Variants in PDE1C observed in about 807,000 individuals in gnomAD.
PDE1C encodes phosphodiesterase 1C, also known as dual specificity calcium/calmodulin-dependent 3',5'-cyclic nucleotide phosphodiesterase 1C.
PDE1C carries 62 observed loss-of-function variants against 93.1 expected under a neutral mutation model. That is an observed-to-expected ratio of 0.67 (90% confidence interval 0.54 to 0.82). PDE1C has a LOEUF of 0.82. Among genes scored for constraint, PDE1C ranks in the 40% least tolerant of loss-of-function variants. PDE1C has a pLI of 0.00. For missense variants in PDE1C, 742 were observed against 884.6 expected (o/e 0.84, Z 2.04); for synonymous variants, 325 against 310.1 (o/e 1.05, Z -0.50).
chr7:31,784,899 T>G (rs1783761876), intron 16 of PDE1C: 2 of 152,112 alleles, frequency 1.3e-5, no homozygotes, highest in Admixed American at 6.6e-5. Flanking sequence ...CTATATATAT[T>G]AATATAATAT....
At chr7:32,217,783 T>C (rs1450185545) in intron 1 of PDE1C, among the ~76,000 whole-genome samples, 1 of 152,186 alleles carries the variant, frequency 6.6e-6, no homozygotes, top group Non-Finnish European at 1.5e-5. Context: ...ATAGAACATA[T>C]TATCCCAGTT....
intron 2 of PDE1C, among the ~76,000 whole-genome samples, chr7:32,174,431 A>C (rs1483115968): frequency 6.6e-6 from 1 of 152,004 alleles, no homozygotes; most frequent in Non-Finnish European, 1.5e-5. Flanking sequence ...GAGCTCACCC[A>C]CTCTGCCTCG....
intron 1 of PDE1C, among the ~76,000 whole-genome samples, chr7:32,359,854 C>G (rs1229719251): frequency 1.3e-5 from 2 of 152,124 alleles, no homozygotes; most frequent in Admixed American, 6.6e-5. Context: ...TCCCCAGCAC[C>G]CATCCAAATC....
chr7:32,220,178 A>G (rs1806741980), intron 1 of PDE1C, among the ~76,000 whole-genome samples: 1 of 152,078 alleles, frequency 6.6e-6, no homozygotes, highest in South Asian at 2.1e-4. Context: ...TAATACAAAC[A>G]TCAAGCTGGT....
the PDE1C span, among the ~76,000 whole-genome samples, chr7:31,638,588 C>A: frequency 3.3e-5 from 5 of 152,070 alleles, no homozygotes; most frequent in African/African-American, 1.2e-4. Flanking sequence ...CAGTGCTTAC[C>A]CACATGATTT....
intron 2 of PDE1C, among the ~76,000 whole-genome samples, chr7:31,893,281 T>C (rs1422024499): frequency 1.3e-5 from 2 of 152,192 alleles, no homozygotes; most frequent in Non-Finnish European, 2.9e-5. Context: ...GTAATTACCA[T>C]TCAATTTCCT....
intron 2 of PDE1C, among the ~76,000 whole-genome samples, chr7:31,982,541 A>C (rs148988700): frequency 6.6e-6 from 1 of 152,072 alleles, no homozygotes; most frequent in African/African-American, 2.4e-5. Context: ...TGATTTTTTT[A>C]ATTTCCTCTT....
At chr7:32,214,202 A>T (rs1806256945) in intron 1 of PDE1C, among the ~76,000 whole-genome samples, 1 of 150,810 alleles carries the variant, frequency 6.6e-6, no homozygotes, top group Non-Finnish European at 1.5e-5. Context: ...ACACAAGTAT[A>T]TATGTAAAAA....
At chr7:31,720,430 C>G in the PDE1C span, among the ~76,000 whole-genome samples, 1 of 152,164 alleles carries the variant, frequency 6.6e-6, no homozygotes, top group Non-Finnish European at 1.5e-5. Context: ...TGCTCACACT[C>G]AGCCCCAAGC....
the PDE1C span, among the ~76,000 whole-genome samples, chr7:31,715,146 TG>T: frequency 2.0e-5 from 3 of 152,192 alleles, no homozygotes. Flanking sequence ...TTCCAACAAT[TG>T]TAATCATTTG....
chr7:31,692,434 C>G, the PDE1C span: 2 of 1,599,128 alleles, frequency 1.3e-6, no homozygotes, highest in East Asian at 2.2e-5. Context: ...TCCACCCACC[C>G]TCCTTTGATG....
At chr7:32,136,468 A>G (rs1172981626) in intron 3 of PDE1C, among the ~76,000 whole-genome samples, 2 of 152,108 alleles carry the variant, frequency 1.3e-5, no homozygotes, top group Non-Finnish European at 2.9e-5. Flanking sequence ...CACAAATAGC[A>G]CTAACAATCC....
intron 2 of PDE1C, among the ~76,000 whole-genome samples, chr7:32,021,146 C>A (rs1018417250): frequency 5.3e-5 from 8 of 152,098 alleles, no homozygotes; most frequent in Non-Finnish European, 1.0e-4. Flanking sequence ...GTGGTTCTAT[C>A]CCCAGTGAAG....
At chr7:31,950,561 G>A (rs1356637807) in intron 2 of PDE1C, among the ~76,000 whole-genome samples, 2 of 152,178 alleles carry the variant, frequency 1.3e-5, no homozygotes, top group Non-Finnish European at 2.9e-5. Flanking sequence ...CAGTATGTGT[G>A]AGTGTGAGTT....
At chr7:32,056,380 C>CACAA (rs1163051979) in intron 1 of PDE1C, among the ~76,000 whole-genome samples, 3 of 150,608 alleles carry the variant, frequency 2.0e-5, no homozygotes, top group African/African-American at 7.4e-5. Context: ...CACACACACA[C>CACAA]ACACACACAC....
downstream of PDE1C, among the ~76,000 whole-genome samples, chr7:31,746,496 G>C (rs1476924162): frequency 1.3e-5 from 2 of 152,140 alleles, no homozygotes. Flanking sequence ...GAGTGACAAG[G>C]ACAAATGCAT....
intron 11 of PDE1C, among the ~76,000 whole-genome samples, chr7:31,829,784 T>A (rs930074749): frequency 2.0e-5 from 3 of 152,172 alleles, no homozygotes; most frequent in African/African-American, 4.8e-5. Context: ...AGTGGCATGA[T>A]AAAAATGATT....
the PDE1C span, among the ~76,000 whole-genome samples, chr7:31,689,840 AT>A: frequency 6.6e-6 from 1 of 152,204 alleles, no homozygotes; most frequent in Non-Finnish European, 1.5e-5. Flanking sequence ...CCTGCACGGC[AT>A]GGGATATTCT....
Position 32,175,366 on chromosome 7 carries a change from G to A in PDE1C, c.137-5410C>T, listed in dbSNP as rs139229052. Among the ~76,000 whole-genome samples, 394 of 152,228 alleles carry A rather than the reference G, an allele frequency of 2.6e-3. 2 individuals carry two copies. The highest frequency in any genetic ancestry group is 9.0e-3 in the African/African-American group (373 of 41,520). On this transcript the variant is annotated intron_variant, in intron 2 of 18. Coordinates refer to the PDE1C transcript ENST00000396193. ...TGTAGTCTATTAAGTGTGTAATAGC[G>A]TTTTGTCTAAAAACACAATATACAT...
Sources: allele counts gnomAD v4.1 joint callset (sites outside exome capture counted in the v4.1 genomes callset), GRCh38; gene constraint gnomAD v4.1.1; transcripts MANE v1.5; gene names NCBI Gene and HGNC (gene_info 2026-07-23, HGNC 2026-07-21).